The following NSD1 variants were observed in gnomAD, a reference collection of about 807,000 sequenced individuals.
NSD1 encodes the protein nuclear receptor binding SET domain protein 1.
NSD1 carries 26 observed loss-of-function variants against 242.7 expected under a neutral mutation model. The observed-to-expected ratio is 0.11, with a 90% confidence interval of 0.08 to 0.15. The LOEUF is 0.15. NSD1 is among the 10% of genes least tolerant of loss of function. NSD1 has a pLI of 1.00. For missense variants in NSD1, 2,495 were observed against 3,272.8 expected, an observed-to-expected ratio of 0.76 and a Z score of 5.80; for synonymous variants, 1,106 against 1,178.1, an observed-to-expected ratio of 0.94 and a Z score of 1.25.
intron 2 of NSD1, among the ~76,000 whole-genome samples, chr5:177,182,231 C>T (rs529568395): frequency 2.6e-5 from 4 of 152,156 alleles, no homozygotes; most frequent in South Asian, 2.1e-4. Context: ...GCTAGAGGAC[C>T]GCTGGAACCC....
intron 2 of NSD1, among the ~76,000 whole-genome samples, chr5:177,158,132 C>T (rs573084574): frequency 2.6e-5 from 4 of 152,052 alleles, no homozygotes; most frequent in East Asian, 1.9e-4. Flanking sequence ...GTGGTATTGT[C>T]GGATCATAGG....
intron 5 of NSD1, among the ~76,000 whole-genome samples, chr5:177,216,734 C>T (rs1185923825): frequency 2.7e-5 from 4 of 146,348 alleles, no homozygotes; most frequent in Admixed American, 6.9e-5. Flanking sequence ...GTTGCCCAGG[C>T]TGTTCTTGAA....
At chr5:177,230,136 T>G (rs1562236197) in intron 5 of NSD1, among the ~76,000 whole-genome samples, 1 of 152,108 alleles carries the variant, frequency 6.6e-6, no homozygotes, top group Non-Finnish European at 1.5e-5. Flanking sequence ...TATTTTTTAT[T>G]TTTTAGACGA....
chr5:177,252,653 G>A (rs1176646810), intron 12 of NSD1, among the ~76,000 whole-genome samples: 1 of 139,976 alleles, frequency 7.1e-6, no homozygotes, highest in Non-Finnish European at 1.5e-5. Context: ...CTGGGCTCAA[G>A]CAATCCTCCC....
chr5:177,289,117 C>A (rs903135758), intron 21 of NSD1, among the ~76,000 whole-genome samples, 192 bp downstream of exon 21: 1 of 152,000 alleles, frequency 6.6e-6, no homozygotes, highest in Admixed American at 6.6e-5. Context: ...GTCAGGAGTT[C>A]GAGACCAGCC....
intron 2 of NSD1, among the ~76,000 whole-genome samples, chr5:177,181,431 T>TG (rs1170434482): frequency 2.1e-5 from 3 of 143,834 alleles, no homozygotes; most frequent in South Asian, 2.3e-4. Flanking sequence ...TTTTTGGTTT[T>TG]TTTTTTTTTT....
In NSD1 at chr5:177,211,942, A is replaced by C; in HGVS notation, c.3543A>C (p.Glu1181Asp). 1 of 1,604,196 alleles carries C rather than the reference A, an allele frequency of 6.2e-7. No homozygotes were observed. Among genetic ancestry groups the C allele is most frequent in the Non-Finnish European group, 8.5e-7 (1 of 1,175,102 alleles). Residue 1181 changes from glutamate (E) to aspartate (D), a missense_variant, in exon 5 of 23, where the codon GAA (glutamate) becomes GAC (aspartate). Physicochemically the swap from Glu to Asp is conservative, Grantham distance 45. Coordinates refer to ENST00000439151, the MANE Select transcript of NSD1 (RefSeq NM_022455.5). ...GCATGAACAGATTTAAAGAGAAAGA[A>C]AACTCTGAGTGTGCCTTTAGGGTCT... The part of the protein sequence containing the change: ...RKRMNRFKEK[E>D]NSECAFRVLL...
chr5:177,282,185 T>A (rs536450897), intron 18 of NSD1, among the ~76,000 whole-genome samples: 1 of 152,174 alleles, frequency 6.6e-6, no homozygotes, highest in Non-Finnish European at 1.5e-5. Flanking sequence ...CCATCTCTCT[T>A]TATAAGGACG....
intron 16 of NSD1, among the ~76,000 whole-genome samples, chr5:177,272,693 C>T (rs1309146871): frequency 6.6e-6 from 1 of 152,040 alleles, no homozygotes; most frequent in Non-Finnish European, 1.5e-5. Context: ...AGTTTAAGGC[C>T]AGACTGGGCA....
At chr5:177,221,848 C>T (rs1042168470) in intron 5 of NSD1, among the ~76,000 whole-genome samples, 3 of 145,372 alleles carry the variant, frequency 2.1e-5, no homozygotes, top group Non-Finnish European at 3.0e-5. Context: ...TCATTCTCAT[C>T]GCCCAGGCTG....
chr5:177,293,704 A>G, intron 22 of NSD1, 128 bp from the exon 23 acceptor site: 1 of 996,086 alleles, frequency 1.0e-6, no homozygotes, highest in Non-Finnish European at 1.5e-6. Context: ...TGAGTGGCAT[A>G]AGCTCTCTGA....
At chr5:177,136,203 G>A in intron 2 of NSD1, 173 bp downstream of exon 2, 1 of 608,468 alleles carries the variant, frequency 1.6e-6, no homozygotes, top group South Asian at 1.9e-5. Flanking sequence ...ATTTATCTCT[G>A]TTGTATGAAT....
At chr5:177,206,708 T>C (rs961061146) in intron 4 of NSD1, among the ~76,000 whole-genome samples, 1 of 152,210 alleles carries the variant, frequency 6.6e-6, no homozygotes, top group Admixed American at 6.5e-5. Flanking sequence ...AGCTGGTTGC[T>C]GATAGGGATG....
intron 2 of NSD1, among the ~76,000 whole-genome samples, chr5:177,185,159 T>G (rs981714284): frequency 6.6e-6 from 1 of 152,118 alleles, no homozygotes; most frequent in African/African-American, 2.4e-5. Flanking sequence ...CACTATAGAT[T>G]CTCAGCAAGT....
chr5:177,189,574 G>T (rs1047085978), intron 2 of NSD1, among the ~76,000 whole-genome samples: 1 of 152,166 alleles, frequency 6.6e-6, no homozygotes, highest in Non-Finnish European at 1.5e-5. Flanking sequence ...CTCTGGAGTT[G>T]TATCTCCCCA....
rs564417631 is a variant in NSD1 at position 177,174,089 on chromosome 5, G to A, written c.928-17795G>A. Reference sequence around the variant, plus strand: ...CGTCAGAAAAGAGGTTAAAAAGGCCGGGCGCGGTGGCTCACGCCTGTAATC... The same window carrying A: ...CGTCAGAAAAGAGGTTAAAAAGGCCAGGCGCGGTGGCTCACGCCTGTAATC... On this transcript the variant is annotated intron_variant, in intron 2 of 22. Coordinates refer to ENST00000439151, the MANE Select transcript of NSD1 (RefSeq NM_022455.5). Among the ~76,000 whole-genome samples the A allele has an allele frequency of 1.4e-4, 22 of 152,070 alleles. 1 individual carries two copies. In the South Asian group the frequency reaches 1.5e-3, roughly 10 times the overall value.
intron 16 of NSD1, among the ~76,000 whole-genome samples, chr5:177,273,143 T>C (rs1758075221): frequency 6.6e-6 from 1 of 152,010 alleles, no homozygotes; most frequent in South Asian, 2.1e-4. Context: ...AGATGAAGCG[T>C]AGTTGTTAGG....
chr5:177,290,420 T>TG (rs1180418825), intron 21 of NSD1, among the ~76,000 whole-genome samples: 1 of 151,410 alleles, frequency 6.6e-6, no homozygotes, highest in Non-Finnish European at 1.5e-5. Context: ...TTTTTTTTTT[T>TG]TTTTTGAGAC....
chr5:177,161,711 GAT>G (rs1581169835), intron 2 of NSD1, among the ~76,000 whole-genome samples: 1 of 142,404 alleles, frequency 7.0e-6, no homozygotes, highest in East Asian at 2.1e-4. Context: ...TGTTTTTTGA[GAT>G]AGAGTCCAGC....
Sources: gnomAD v4.1 joint callset for allele counts (sites outside exome capture counted in the v4.1 genomes callset) on GRCh38, gnomAD v4.1.1 for gene constraint, MANE v1.5 for transcripts, NCBI Gene and HGNC (gene_info 2026-07-23, HGNC 2026-07-21) for gene names.